LINGO2: variants seen among roughly 807,000 people sequenced by gnomAD.
The protein encoded by LINGO2 is leucine rich repeat and Ig domain containing 2.
Under a neutral mutation model 30.6 loss-of-function variants are expected in LINGO2, and 14 were observed. The ratio of observed to expected loss-of-function variants is 0.46; its 90% CI spans 0.30 to 0.72. The LOEUF is 0.72. Among genes scored for constraint, LINGO2 ranks in the 30% least tolerant of loss-of-function variants. LINGO2 has a pLI of 0.07. For synonymous variants in LINGO2, 317 were observed against 288.5 expected (o/e 1.10, Z -1.00); for missense variants, 729 against 751.7 (o/e 0.97, Z 0.35).
At chr9:28,314,885 T>C (rs1824778441) in intron 3 of LINGO2, among the ~76,000 whole-genome samples, 1 of 150,846 alleles carries the variant, frequency 6.6e-6, no homozygotes, top group Non-Finnish European at 1.5e-5. Context: ...CTCGGGAGGC[T>C]GAGGCAGGAG....
At chr9:28,582,984 C>A (rs933579461) in intron 1 of LINGO2, among the ~76,000 whole-genome samples, 1 of 151,820 alleles carries the variant, frequency 6.6e-6, no homozygotes, top group Non-Finnish European at 1.5e-5. Flanking sequence ...AAATTATACA[C>A]AGTATAATTC....
chr9:28,193,568 T>C (rs1382394035), intron 4 of LINGO2, among the ~76,000 whole-genome samples: 1 of 152,126 alleles, frequency 6.6e-6, no homozygotes, highest in East Asian at 1.9e-4. Context: ...AAGCTATTGA[T>C]AGAAAGGTAA....
At chr9:28,342,228 T>G (rs1249856168) in intron 3 of LINGO2, among the ~76,000 whole-genome samples, 6 of 152,172 alleles carry the variant, frequency 3.9e-5, no homozygotes, top group African/African-American at 7.2e-5. Context: ...CCTGCTGTGT[T>G]TCAACCCTGT....
At chr9:27,990,022 T>C (rs1295183816) in intron 5 of LINGO2, among the ~76,000 whole-genome samples, 2 of 152,054 alleles carry the variant, frequency 1.3e-5, no homozygotes, top group Non-Finnish European at 2.9e-5. Flanking sequence ...GCACAGATCA[T>C]TCCCTATTGC....
At chr9:28,608,617 T>A (rs1395023308) in intron 1 of LINGO2, among the ~76,000 whole-genome samples, 1 of 151,978 alleles carries the variant, frequency 6.6e-6, no homozygotes, top group Admixed American at 6.6e-5. Flanking sequence ...AATATCTTGG[T>A]GAGCTGCTTC....
the LINGO2 span, among the ~76,000 whole-genome samples, chr9:29,039,545 G>A: frequency 9.9e-5 from 15 of 152,110 alleles, no homozygotes; most frequent in Non-Finnish European, 1.5e-4. Context: ...GCCTCTTCTC[G>A]CCTAGTTGGA....
At chr9:29,106,879 A>T in the LINGO2 span, among the ~76,000 whole-genome samples, 1 of 152,168 alleles carries the variant, frequency 6.6e-6, no homozygotes, top group Non-Finnish European at 1.5e-5. Flanking sequence ...ACACAAATTC[A>T]GATCTGTTGG....
intron 1 of LINGO2, among the ~76,000 whole-genome samples, chr9:28,512,362 C>T (rs571283301): frequency 4.9e-4 from 75 of 151,678 alleles, no homozygotes; most frequent in African/African-American, 1.7e-3. Context: ...TAGAGGCCTC[C>T]GCTGTGATTC....
chr9:28,247,817 CA>C (rs1480118767), intron 4 of LINGO2, among the ~76,000 whole-genome samples: 3 of 152,056 alleles, frequency 2.0e-5, no homozygotes, highest in African/African-American at 7.2e-5. Flanking sequence ...GGAAATTTCT[CA>C]AAAGAAGACA....
At chr9:28,907,701 C>T in the LINGO2 span, among the ~76,000 whole-genome samples, 1 of 151,246 alleles carries the variant, frequency 6.6e-6, no homozygotes, top group Non-Finnish European at 1.5e-5. Context: ...TGAGAAGGGG[C>T]CAGACTTAAT....
At chr9:28,682,075 G>C in the LINGO2 span, among the ~76,000 whole-genome samples, 1 of 152,126 alleles carries the variant, frequency 6.6e-6, no homozygotes, top group South Asian at 2.1e-4. Flanking sequence ...TTCACCCTTA[G>C]AGTTGCCAAT....
chr9:29,166,935 T>C, the LINGO2 span, among the ~76,000 whole-genome samples: 21 of 152,064 alleles, frequency 1.4e-4, no homozygotes, highest in African/African-American at 5.1e-4. Flanking sequence ...TCCCAAAAGA[T>C]AGATAGATAT....
chr9:28,738,644 T>C, the LINGO2 span, among the ~76,000 whole-genome samples: 1 of 151,952 alleles, frequency 6.6e-6, no homozygotes, highest in East Asian at 1.9e-4. Context: ...AATACAAAAA[T>C]AGATGCTAAA....
At chr9:28,565,505 T>TA (rs1019445103) in intron 1 of LINGO2, among the ~76,000 whole-genome samples, 4 of 150,838 alleles carry the variant, frequency 2.7e-5, no homozygotes, top group Non-Finnish European at 4.4e-5. Context: ...ATTTTTATTT[T>TA]TTTTTTTTTA....
intron 4 of LINGO2, among the ~76,000 whole-genome samples, chr9:28,117,360 TTTTG>T (rs1371844475): frequency 3.0e-5 from 4 of 131,300 alleles, no homozygotes; most frequent in African/African-American, 1.1e-4. Context: ...ACTGCTGTCT[TTTTG>T]TTTGTCTGTG....
At chr9:29,080,176 G>C in the LINGO2 span, among the ~76,000 whole-genome samples, 24,863 of 151,902 alleles carry the variant, frequency 0.16, 2,139 homozygotes, top group East Asian at 0.34. Flanking sequence ...GTCTTGGGAG[G>C]GGGTATGTGA....
chr9:28,582,994 C>A (rs1279809706), intron 1 of LINGO2, among the ~76,000 whole-genome samples: 2 of 151,530 alleles, frequency 1.3e-5, no homozygotes, highest in Non-Finnish European at 2.9e-5. Flanking sequence ...CAGTATAATT[C>A]TGTGATAAAT....
At chr9:28,436,592 G>A (rs1823943652) in intron 2 of LINGO2, among the ~76,000 whole-genome samples, 2 of 151,994 alleles carry the variant, frequency 1.3e-5, no homozygotes, top group African/African-American at 4.8e-5. Flanking sequence ...AGATTAGCTG[G>A]TACTACAGGT....
At chr9:28,624,883 C>T (rs967371738) in intron 1 of LINGO2, among the ~76,000 whole-genome samples, 6 of 151,128 alleles carry the variant, frequency 4.0e-5, no homozygotes, top group Non-Finnish European at 5.9e-5. Context: ...GTTCACTCTC[C>T]TCTCCTCAAG....
Sources: allele counts gnomAD v4.1 joint callset (sites outside exome capture counted in the v4.1 genomes callset), GRCh38; gene constraint gnomAD v4.1.1; transcripts MANE v1.5; gene names NCBI Gene and HGNC (gene_info 2026-07-23, HGNC 2026-07-21).